The following CNTN4 variants were observed in gnomAD, a reference collection of about 807,000 sequenced individuals.
The protein encoded by CNTN4 is contactin 4, also known as contactin-4.
Under a neutral mutation model 122.5 loss-of-function variants are expected in CNTN4, and 77 were observed. The ratio of observed to expected loss-of-function variants is 0.63; its 90% CI spans 0.52 to 0.76. The LOEUF (loss-of-function observed/expected upper bound fraction) is 0.76, where lower values mean the gene tolerates loss of function less well. Ranked by LOEUF, CNTN4 falls within the 30% of genes least tolerant of loss-of-function variation. The pLI, the probability that CNTN4 is intolerant of heterozygous loss-of-function variation, is 0.00. For synonymous variants in CNTN4, 512 were observed against 447.0 expected (o/e 1.15, Z -1.83); for missense variants, 1,256 against 1,259.1 (o/e 1.00, Z 0.04).
At chr3:2,478,773 T>C (rs1037401810) in intron 3 of CNTN4, among the ~76,000 whole-genome samples, 1 of 152,206 alleles carries the variant, frequency 6.6e-6, no homozygotes, top group African/African-American at 2.4e-5. Flanking sequence ...TCATTCTTTT[T>C]TATGGCTGAA....
chr3:2,400,441 A>ATATG (rs2046813885), intron 3 of CNTN4, among the ~76,000 whole-genome samples: 3 of 136,380 alleles, frequency 2.2e-5, no homozygotes, highest in African/African-American at 5.2e-5. Flanking sequence ...ATATATATAT[A>ATATG]TATATATATC....
At chr3:2,415,712 T>C (rs2047387386) in intron 3 of CNTN4, among the ~76,000 whole-genome samples, 1 of 152,178 alleles carries the variant, frequency 6.6e-6, no homozygotes, top group South Asian at 2.1e-4. Flanking sequence ...AATAATATGA[T>C]TTCTATAAGT....
At chr3:2,995,756 T>A (rs1413602505) in intron 14 of CNTN4, among the ~76,000 whole-genome samples, 1 of 152,186 alleles carries the variant, frequency 6.6e-6, no homozygotes, top group Non-Finnish European at 1.5e-5. Context: ...TGTTGGTGAC[T>A]ATGTGAGGAA....
At chr3:2,519,995 G>C (rs1021955581) in intron 3 of CNTN4, among the ~76,000 whole-genome samples, 2 of 152,008 alleles carry the variant, frequency 1.3e-5, no homozygotes, top group South Asian at 4.2e-4. Flanking sequence ...TTCCTACAAG[G>C]CTTTTTTTAA....
chr3:2,786,108 A>C (rs888488209), intron 6 of CNTN4, among the ~76,000 whole-genome samples: 2 of 151,826 alleles, frequency 1.3e-5, no homozygotes, highest in Non-Finnish European at 2.9e-5. Context: ...CTTCCCCTCC[A>C]TCCCCTTTCC....
intron 3 of CNTN4, among the ~76,000 whole-genome samples, chr3:2,520,716 T>A: frequency 6.9e-6 from 1 of 145,286 alleles, no homozygotes; most frequent in Middle Eastern, 3.4e-3. Flanking sequence ...TCCATTTAAT[T>A]TTCCACTAGA....
At chr3:2,548,392 T>C (rs1318881505) in intron 3 of CNTN4, among the ~76,000 whole-genome samples, 2 of 152,226 alleles carry the variant, frequency 1.3e-5, no homozygotes, top group Non-Finnish European at 2.9e-5. Context: ...TTTCTGCATA[T>C]GGCTAGCCAG....
chr3:2,886,031 A>C (rs1421777539), intron 9 of CNTN4, among the ~76,000 whole-genome samples: 1 of 152,142 alleles, frequency 6.6e-6, no homozygotes, highest in Non-Finnish European at 1.5e-5. Context: ...TGATCCTGCA[A>C]CATCACTTCT....
chr3:2,833,321 A>G (rs938983868), intron 7 of CNTN4, among the ~76,000 whole-genome samples: 3 of 152,238 alleles, frequency 2.0e-5, no homozygotes, highest in Non-Finnish European at 4.4e-5. Flanking sequence ...CCAAATAAAC[A>G]TTGTAGCAAA....
At position 2,639,382 on chromosome 3, in the gene CNTN4, T is replaced by A. The variant is rs2082804990; in HGVS notation, c.55+67824T>A. ...TCTACTACTCCCTCAGATCAGTGCTTGCCCAACTCCATCTCTTCCTCAAAA... is the reference window on the plus strand; with the variant it reads ...TCTACTACTCCCTCAGATCAGTGCTAGCCCAACTCCATCTCTTCCTCAAAA... On this transcript the variant is annotated intron_variant, in intron 4 of 24. Coordinates refer to ENST00000418658, the MANE Select transcript of CNTN4 (RefSeq NM_175607.3). Among the ~76,000 whole-genome samples, 3 of 152,306 alleles carry A rather than the reference T, an allele frequency of 2.0e-5. No homozygotes were observed. In the South Asian group the frequency reaches 6.2e-4, roughly 32 times the overall value.
intron 14 of CNTN4, chr3:3,008,858 C>T: frequency 3.2e-6 from 2 of 634,642 alleles, no homozygotes; most frequent in South Asian, 7.0e-5. Flanking sequence ...ACAGCAGTAG[C>T]AGGCATTCGG....
chr3:2,889,634 A>G (rs1296338730), intron 10 of CNTN4, among the ~76,000 whole-genome samples: 2 of 152,186 alleles, frequency 1.3e-5, no homozygotes, highest in Non-Finnish European at 2.9e-5. Flanking sequence ...TAATTGGCCA[A>G]CATTTTCTCT....
intron 14 of CNTN4, among the ~76,000 whole-genome samples, chr3:3,022,184 C>T (rs1017698461): frequency 6.6e-6 from 1 of 151,942 alleles, no homozygotes. Context: ...AGGGAGGTTG[C>T]AGTGAGCCAA....
intron 2 of CNTN4, among the ~76,000 whole-genome samples, chr3:2,207,031 TATA>T (rs1338669418): frequency 1.3e-5 from 2 of 151,044 alleles, no homozygotes; most frequent in African/African-American, 2.4e-5. Flanking sequence ...TTCTTATTAT[TATA>T]TTGTTACAGT....
chr3:2,346,175 G>A (rs2150400147), intron 3 of CNTN4, among the ~76,000 whole-genome samples: 2 of 151,928 alleles, frequency 1.3e-5, no homozygotes, highest in East Asian at 3.9e-4. Flanking sequence ...AAATTAACTG[G>A]TTTTCTTAAT....
chr3:2,960,907 C>T (rs564730680), intron 13 of CNTN4, among the ~76,000 whole-genome samples: 1 of 152,204 alleles, frequency 6.6e-6, no homozygotes, highest in African/African-American at 2.4e-5. Flanking sequence ...TGCGGCTTTT[C>T]AAATCGTTTC....
intron 4 of CNTN4, among the ~76,000 whole-genome samples, chr3:2,574,130 C>T (rs374437669): frequency 2.0e-5 from 3 of 152,146 alleles, no homozygotes; most frequent in African/African-American, 4.8e-5. Context: ...GCAGGAGAAT[C>T]GCCTGAACCT....
At chr3:2,452,205 A>G (rs2151373061) in intron 3 of CNTN4, among the ~76,000 whole-genome samples, 1 of 152,260 alleles carries the variant, frequency 6.6e-6, no homozygotes, top group Middle Eastern at 3.4e-3. Flanking sequence ...TGATCCAGAA[A>G]AGTCATTTTA....
chr3:2,597,521 A>G (rs1037246386), intron 4 of CNTN4, among the ~76,000 whole-genome samples: 1 of 152,200 alleles, frequency 6.6e-6, no homozygotes, highest in Non-Finnish European at 1.5e-5. Context: ...AATCTTCAGC[A>G]TAGAGCTCTA....
Sources: gnomAD v4.1 joint callset for allele counts (sites outside exome capture counted in the v4.1 genomes callset) on GRCh38, gnomAD v4.1.1 for gene constraint, MANE v1.5 for transcripts, NCBI Gene and HGNC (gene_info 2026-07-23, HGNC 2026-07-21) for gene names.